ITSN1: variants seen among roughly 807,000 people sequenced by gnomAD.
ITSN1 encodes intersectin 1.
ITSN1 carries 58 observed loss-of-function variants against 239.8 expected under a neutral mutation model. The observed-to-expected ratio is 0.24, with a 90% CI of 0.20 to 0.30. The LOEUF (loss-of-function observed/expected upper bound fraction) is 0.30, where lower values mean the gene tolerates loss of function less well. Ranked by LOEUF, ITSN1 falls within the 10% of genes least tolerant of loss-of-function variation. The probability of loss-of-function intolerance (pLI) is 1.00; values close to 1 mark genes in which losing one functional copy is unlikely to be tolerated. For synonymous variants in ITSN1, 780 were observed against 770.8 expected (o/e 1.01, Z -0.20); for missense variants, 1,558 against 2,103.3 (o/e 0.74, Z 5.07).
chr21:33,777,835 A>G (rs1009295649), intron 14 of ITSN1, among the ~76,000 whole-genome samples: 2 of 152,148 alleles, frequency 1.3e-5, no homozygotes, highest in African/African-American at 4.8e-5. Flanking sequence ...AACCTCCCAT[A>G]CTATATTGGA....
intron 34 of ITSN1, among the ~76,000 whole-genome samples, chr21:33,878,422 G>A (rs2243871): frequency 6.6e-6 from 1 of 151,876 alleles, no homozygotes; most frequent in Non-Finnish European, 1.5e-5. Context: ...TTTTCTCTCT[G>A]TTTCTGTATA....
chr21:33,894,458 G>A lies in ITSN1; in HGVS notation c.*6158G>A, dbSNP rs571186180. 1.3e-5 allele frequency: 2 copies of A among 151,774 alleles called. No homozygotes were observed. The highest frequency in any genetic ancestry group is 4.2e-4 in the South Asian group (2 of 4,812). 9.4% of individuals were successfully genotyped at this position (151,774 alleles called of 1,614,324 possible). A position where few individuals can be genotyped will look rare whatever the true frequency, so the allele number is the denominator to read the frequency against. ...TCGATTTTCTATACCAGCCTATATT[G>A]TTACTATCATCTGCCTAGTATGAAT... On this transcript the variant is annotated 3_prime_UTR_variant, in exon 40 of 40. Coordinates refer to ENST00000381318, the MANE Select transcript of ITSN1 (RefSeq NM_003024.3).
At chr21:33,863,105 A>G (rs2148495708) in intron 31 of ITSN1, among the ~76,000 whole-genome samples, 1 of 152,314 alleles carries the variant, frequency 6.6e-6, no homozygotes, top group African/African-American at 2.4e-5. Flanking sequence ...TGGGCCTGGT[A>G]ACACCTTGCG....
intron 36 of ITSN1, 118 bp from the exon 37 acceptor site, chr21:33,884,922 GC>G: frequency 1.4e-6 from 1 of 713,506 alleles, no homozygotes; most frequent in South Asian, 1.7e-5. Flanking sequence ...TCTTTCCCGA[GC>G]CTTTGTTGTT....
At chr21:33,862,942 T>C (rs1227371534) in intron 31 of ITSN1, among the ~76,000 whole-genome samples, 2 of 152,242 alleles carry the variant, frequency 1.3e-5, no homozygotes, top group Non-Finnish European at 1.5e-5. Context: ...TCAGCAATCA[T>C]TGAGCGCTCT....
chr21:33,742,335 G>A (rs1343118919), intron 5 of ITSN1, among the ~76,000 whole-genome samples: 1 of 152,076 alleles, frequency 6.6e-6, no homozygotes. Context: ...GATTACAGGC[G>A]TGAGCCACCG....
chr21:33,899,221 G>A lies in ITSN1; in HGVS notation c.*10921G>A, dbSNP rs151169495. On this transcript the variant is annotated 3_prime_UTR_variant, in exon 40 of 40. Coordinates refer to ENST00000381318, the MANE Select transcript of ITSN1 (RefSeq NM_003024.3). ...TAGAACATGGGGCCCTCCCTTCCCAGGAGTGCTAGCGAACCCTCCCAGATA... is the reference window on the plus strand; with the variant it reads ...TAGAACATGGGGCCCTCCCTTCCCAAGAGTGCTAGCGAACCCTCCCAGATA... The A allele has an allele frequency of 1.6e-4, 25 of 152,350 alleles. No homozygotes were observed. In the East Asian group the frequency reaches 4.4e-3, roughly 27 times the overall value. 9.4% of individuals were successfully genotyped at this position (152,350 alleles called of 1,614,324 possible). A position where few individuals can be genotyped will look rare whatever the true frequency, so the allele number is the denominator to read the frequency against.
intron 10 of ITSN1, 71 bp downstream of exon 10, chr21:33,766,083 A>G (rs2068703260): frequency 2.0e-6 from 3 of 1,520,898 alleles, no homozygotes; most frequent in Admixed American, 3.4e-5. Context: ...TTTATTGACT[A>G]TGTGTCTTAC....
chr21:33,725,120 A>ATTT (rs1393697813), intron 4 of ITSN1, among the ~76,000 whole-genome samples: 11 of 118,684 alleles, frequency 9.3e-5, no homozygotes, highest in South Asian at 2.5e-4. Context: ...AAAAAAAAAA[A>ATTT]TTTTTTTTTT....
intron 22 of ITSN1, among the ~76,000 whole-genome samples, chr21:33,815,581 A>G (rs1215030294): frequency 6.6e-6 from 1 of 152,208 alleles, no homozygotes; most frequent in Non-Finnish European, 1.5e-5. Flanking sequence ...AAAGATCTGC[A>G]AAAGGAAAGA....
chr21:33,698,089 C>T (rs1004554596), intron 1 of ITSN1, among the ~76,000 whole-genome samples: 1 of 152,110 alleles, frequency 6.6e-6, no homozygotes, highest in Non-Finnish European at 1.5e-5. Flanking sequence ...TATTAGCTCC[C>T]TGATGAATTC....
At chr21:33,837,892 C>T (rs16990924) in intron 29 of ITSN1, 18 of 985,692 alleles carry the variant, frequency 1.8e-5, no homozygotes, top group African/African-American at 3.5e-5. Context: ...GAGGTCGTTA[C>T]GATCAACGAT....
intron 1 of ITSN1, among the ~76,000 whole-genome samples, chr21:33,710,268 C>T (rs1458237449): frequency 4.0e-5 from 6 of 151,638 alleles, no homozygotes; most frequent in Non-Finnish European, 7.4e-5. Flanking sequence ...TTAGGAGAGA[C>T]GGGGTTTCAC....
chr21:33,677,614 A>C (rs2090674064), intron 1 of ITSN1, among the ~76,000 whole-genome samples: 1 of 152,034 alleles, frequency 6.6e-6, no homozygotes, highest in Admixed American at 6.5e-5. Context: ...TGCTGGGATT[A>C]CAGACTTGAG....
At chr21:33,841,236 C>T (rs765500782) in intron 29 of ITSN1, among the ~76,000 whole-genome samples, 1 of 152,234 alleles carries the variant, frequency 6.6e-6, no homozygotes, top group African/African-American at 2.4e-5. Context: ...ATGCTTTCAG[C>T]GATGCCATCA....
At chr21:33,704,924 A>T (rs1345371236) in intron 1 of ITSN1, among the ~76,000 whole-genome samples, 2 of 10,750 alleles carry the variant, frequency 1.9e-4, no homozygotes, top group Non-Finnish European at 3.4e-4. Flanking sequence ...CATCTCTACT[A>T]AAAAAAAAAA....
chr21:33,817,415 C>G (rs1487632344), intron 22 of ITSN1: 1 of 1,304,456 alleles, frequency 7.7e-7, no homozygotes. Flanking sequence ...AGGCCCATCT[C>G]AGATGCTGCC....
At chr21:33,763,701 A>C (rs2068528672) in intron 9 of ITSN1, among the ~76,000 whole-genome samples, 1 of 152,064 alleles carries the variant, frequency 6.6e-6, no homozygotes, top group Admixed American at 6.6e-5. Context: ...AAGGCACATA[A>C]TGTCTCTATT....
chr21:33,707,641 C>T (rs952280602), intron 1 of ITSN1, among the ~76,000 whole-genome samples: 7 of 152,132 alleles, frequency 4.6e-5, no homozygotes, highest in Non-Finnish European at 7.3e-5. Flanking sequence ...GAAGTGGAAT[C>T]ATAGATATAT....
Sources: gnomAD v4.1 joint callset for allele counts (sites outside exome capture counted in the v4.1 genomes callset) on GRCh38, gnomAD v4.1.1 for gene constraint, MANE v1.5 for transcripts, NCBI Gene and HGNC (gene_info 2026-07-23, HGNC 2026-07-21) for gene names.